SNTG2: variants seen among roughly 807,000 people sequenced by gnomAD.
SNTG2 encodes the protein gamma-2-syntrophin.
A neutral mutation model predicts 70.9 loss-of-function variants in SNTG2; 74 were observed. The ratio of observed to expected loss-of-function variants is 1.04; its 90% confidence interval spans 0.86 to 1.27. SNTG2 has a LOEUF of 1.27. Among genes scored for constraint, SNTG2 ranks in the 50% most tolerant of loss-of-function variants. The pLI is 0.00. For synonymous variants in SNTG2, 278 were observed against 273.8 expected (o/e 1.02, Z -0.15); for missense variants, 717 against 690.7 (o/e 1.04, Z -0.43).
At chr2:1,151,489 G>C (rs555652176) in intron 6 of SNTG2, among the ~76,000 whole-genome samples, 1 of 152,088 alleles carries the variant, frequency 6.6e-6, no homozygotes, top group Admixed American at 6.6e-5. Context: ...ACCCAGCCTC[G>C]CTCTTTCTGC....
chr2:1,038,995 A>G (rs1231874518), intron 1 of SNTG2, among the ~76,000 whole-genome samples: 3 of 152,358 alleles, frequency 2.0e-5, no homozygotes, highest in South Asian at 2.1e-4. Context: ...TCTTGGCCAC[A>G]TCTTCCACTT....
intron 1 of SNTG2, among the ~76,000 whole-genome samples, chr2:960,372 TG>T (rs926604344): frequency 1.3e-5 from 2 of 152,198 alleles, no homozygotes; most frequent in African/African-American, 4.8e-5. Flanking sequence ...TCTCCTTTGT[TG>T]GGAATGCTTC....
At chr2:1,204,545 G>A (rs1417114792) in intron 8 of SNTG2, among the ~76,000 whole-genome samples, 1 of 152,164 alleles carries the variant, frequency 6.6e-6, no homozygotes, top group Admixed American at 6.5e-5. Flanking sequence ...ACAATCATAA[G>A]TTTTAAATTG....
intron 1 of SNTG2, among the ~76,000 whole-genome samples, chr2:988,072 C>T (rs769044034): frequency 1.3e-5 from 2 of 152,240 alleles, no homozygotes; most frequent in Non-Finnish European, 2.9e-5. Context: ...GCCCCTTTGG[C>T]AGGACGCAGT....
intron 4 of SNTG2, among the ~76,000 whole-genome samples, chr2:1,128,052 A>C (rs6723973): frequency 0.59 from 89,819 of 151,408 alleles, 27,315 homozygotes; most frequent in East Asian, 0.72. Context: ...CTTTTCCATT[A>C]AGCATAATGT....
chr2:1,087,316 G>A (rs1008989033), intron 2 of SNTG2, among the ~76,000 whole-genome samples: 1 of 152,210 alleles, frequency 6.6e-6, no homozygotes, highest in Non-Finnish European at 1.5e-5. Context: ...AAGAGTTCGT[G>A]TAGCATGGCT....
At chr2:1,352,371 G>T (rs992015462) in intron 16 of SNTG2, among the ~76,000 whole-genome samples, 14 of 151,822 alleles carry the variant, frequency 9.2e-5, no homozygotes, top group African/African-American at 3.1e-4. Context: ...AGGCCCCTCT[G>T]CCCCCTGAGC....
At chr2:1,051,945 G>A (rs1489941491) in intron 1 of SNTG2, among the ~76,000 whole-genome samples, 2 of 152,208 alleles carry the variant, frequency 1.3e-5, no homozygotes, top group Non-Finnish European at 2.9e-5. Context: ...GAATTACGCT[G>A]ATTTTCAAAT....
intron 8 of SNTG2, among the ~76,000 whole-genome samples, chr2:1,191,686 T>G (rs1320550624): frequency 1.3e-5 from 2 of 152,062 alleles, no homozygotes; most frequent in African/African-American, 4.8e-5. Flanking sequence ...TCCCAGCTAC[T>G]TGGGAGGCTG....
At chr2:1,222,136 T>C (rs1184197110) in intron 9 of SNTG2, among the ~76,000 whole-genome samples, 8 of 114,740 alleles carry the variant, frequency 7.0e-5, no homozygotes, top group African/African-American at 1.1e-4. Context: ...TCTCTCTCTG[T>C]CTCTCTCTGT....
In SNTG2 at chr2:1,247,456, T is replaced by C; in HGVS notation, c.1005+13T>C. 1 of 1,570,698 alleles carries C rather than the reference T, an allele frequency of 6.4e-7. No individual in the cohort carries two copies. Among genetic ancestry groups the C allele is most frequent in the Non-Finnish European group, 8.8e-7 (1 of 1,140,650 alleles). ...CAGCACTCCTCCGGTAAGGATGCTT[T>C]TGACACTCCACAGGGAGGGGCTGCT... On this transcript the variant is annotated intron_variant, in intron 12 of 16. Coordinates refer to ENST00000308624, the MANE Select transcript of SNTG2 (RefSeq NM_018968.4).
At chr2:1,084,263 C>G (rs1003865163) in intron 2 of SNTG2, among the ~76,000 whole-genome samples, 1 of 152,154 alleles carries the variant, frequency 6.6e-6, no homozygotes, top group African/African-American at 2.4e-5. Context: ...GGCATTTCCC[C>G]CCTTACTCGC....
intron 4 of SNTG2, among the ~76,000 whole-genome samples, chr2:1,109,089 C>T (rs979055067): frequency 6.6e-6 from 1 of 151,900 alleles, no homozygotes; most frequent in Middle Eastern, 3.2e-3. Flanking sequence ...TAATAGTGGA[C>T]GCACGCTGTC....
intron 1 of SNTG2, among the ~76,000 whole-genome samples, chr2:1,051,487 C>T (rs924114032): frequency 6.6e-6 from 1 of 152,100 alleles, no homozygotes; most frequent in East Asian, 1.9e-4. Context: ...GGTTGCCAGC[C>T]TGGAGGAAGG....
chr2:1,233,401 A>C (rs1395983240), intron 9 of SNTG2, among the ~76,000 whole-genome samples: 1 of 152,226 alleles, frequency 6.6e-6, no homozygotes. Context: ...GTTTTGTGAC[A>C]GGAAGATTCC....
intron 9 of SNTG2, among the ~76,000 whole-genome samples, chr2:1,222,099 CTCTCTG>C (rs1229024467): frequency 6.8e-5 from 1 of 14,604 alleles, no homozygotes; most frequent in African/African-American, 2.7e-4. Flanking sequence ...CTCTCTGTCT[CTCTCTG>C]TCTCTCTCTG....
In SNTG2 at chr2:1,248,958, G is replaced by T. The variant is rs1677600907; in HGVS notation, c.1005+1515G>T. ...TTCAAAACAGACAGGTTTCTTGGCC[G>T]TGGGTCTTCACGGAAGTTATGTCCT... On this transcript the variant is annotated intron_variant, in intron 12 of 16. Coordinates refer to ENST00000308624, the MANE Select transcript of SNTG2 (RefSeq NM_018968.4). Among the ~76,000 whole-genome samples, 6 of 152,218 alleles carry T rather than the reference G, an allele frequency of 3.9e-5. No individual in the cohort carries two copies. In the South Asian group the frequency reaches 1.0e-3, roughly 26 times the overall value.
At chr2:1,105,971 G>A (rs1292873898) in intron 4 of SNTG2, among the ~76,000 whole-genome samples, 3 of 152,138 alleles carry the variant, frequency 2.0e-5, no homozygotes, top group Non-Finnish European at 2.9e-5. Context: ...AATAGTGGGC[G>A]CACACTGTCA....
At chr2:1,146,127 A>G (rs1358077759) in intron 6 of SNTG2, among the ~76,000 whole-genome samples, 1 of 152,182 alleles carries the variant, frequency 6.6e-6, no homozygotes, top group African/African-American at 2.4e-5. Context: ...ATGATTTCCC[A>G]CCAAGATCAG....
Sources: gnomAD v4.1 joint callset for allele counts (sites outside exome capture counted in the v4.1 genomes callset) on GRCh38, gnomAD v4.1.1 for gene constraint, MANE v1.5 for transcripts, NCBI Gene and HGNC (gene_info 2026-07-23, HGNC 2026-07-21) for gene names.